The following CACNA1C variants were observed in gnomAD, a reference collection of about 807,000 sequenced individuals.
CACNA1C encodes calcium voltage-gated channel subunit alpha1 C.
A neutral mutation model predicts 229.0 loss-of-function variants in CACNA1C; 30 were observed. That is an observed-to-expected ratio of 0.13 (90% CI 0.10 to 0.18). The LOEUF (loss-of-function observed/expected upper bound fraction) is 0.18. CACNA1C is among the 10% of genes least tolerant of loss of function. CACNA1C has a pLI of 1.00. For missense variants in CACNA1C, 1,658 were observed against 2,845.0 expected, an observed-to-expected ratio of 0.58 and a Z score of 9.49; for synonymous variants, 1,114 against 1,132.5, an observed-to-expected ratio of 0.98 and a Z score of 0.33.
At chr12:2,519,817 G>A (rs1337582238) in intron 9 of CACNA1C, among the ~76,000 whole-genome samples, 2 of 152,208 alleles carry the variant, frequency 1.3e-5, no homozygotes, top group Non-Finnish European at 2.9e-5. Context: ...GGGCCATGTT[G>A]TAGTAAGGAT....
At chr12:2,567,475 T>C in intron 12 of CACNA1C, 94 bp from the exon 13 acceptor site, 1 of 773,796 alleles carries the variant, frequency 1.3e-6, no homozygotes, top group Non-Finnish European at 2.1e-6. Flanking sequence ...GGATCTTTTT[T>C]CCAATGGAGA....
intron 3 of CACNA1C, among the ~76,000 whole-genome samples, chr12:2,315,540 C>T (rs899541737): frequency 6.6e-5 from 10 of 152,156 alleles, no homozygotes; most frequent in Non-Finnish European, 1.3e-4. Context: ...GGCCTTTAAC[C>T]ATCACAGTTC....
At chr12:2,386,020 A>G (rs2098381194) in intron 3 of CACNA1C, among the ~76,000 whole-genome samples, 1 of 152,242 alleles carries the variant, frequency 6.6e-6, no homozygotes, top group Non-Finnish European at 1.5e-5. Flanking sequence ...AAGGTAATAC[A>G]TACTCAAAAG....
At chr12:2,060,655 A>G (rs1040415286) in intron 1 of CACNA1C, among the ~76,000 whole-genome samples, 1 of 152,220 alleles carries the variant, frequency 6.6e-6, no homozygotes, top group Admixed American at 6.5e-5. Flanking sequence ...AGTTCCCTGG[A>G]GGAAGCCATC....
At chr12:2,078,222 T>G (rs1314593821) in intron 1 of CACNA1C, among the ~76,000 whole-genome samples, 1 of 152,216 alleles carries the variant, frequency 6.6e-6, no homozygotes, top group Non-Finnish European at 1.5e-5. Context: ...GGTGGCCATC[T>G]GCAAGCCAAA....
chr12:2,687,438 G>GC (rs1353452009), intron 45 of CACNA1C, among the ~76,000 whole-genome samples: 1 of 152,126 alleles, frequency 6.6e-6, no homozygotes, highest in Non-Finnish European at 1.5e-5. Context: ...ACCCTGCAGA[G>GC]CCTCTGCCCT....
intron 5 of CACNA1C, among the ~76,000 whole-genome samples, chr12:2,474,790 A>G (rs2099615319): frequency 6.6e-6 from 1 of 151,914 alleles, no homozygotes; most frequent in African/African-American, 2.4e-5. Context: ...AGAAAAAGAA[A>G]AAAAGAAATG....
At chr12:2,241,188 A>G (rs1472559463) in intron 3 of CACNA1C, among the ~76,000 whole-genome samples, 8 of 152,044 alleles carry the variant, frequency 5.3e-5, no homozygotes, top group Admixed American at 4.6e-4. Flanking sequence ...GAAGACCAGC[A>G]TTGACTGCAG....
At chr12:2,542,614 G>T in intron 9 of CACNA1C, among the ~76,000 whole-genome samples, 1 of 152,184 alleles carries the variant, frequency 6.6e-6, no homozygotes, top group South Asian at 2.1e-4. Context: ...CTACACAATG[G>T]CTTAGCTCTA....
intron 39 of CACNA1C, among the ~76,000 whole-genome samples, chr12:2,675,617 G>A (rs2096767978): frequency 6.6e-6 from 1 of 152,180 alleles, no homozygotes; most frequent in South Asian, 2.1e-4. Flanking sequence ...ATAATCCAAA[G>A]TATAGTTTTC....
chr12:1,991,327 A>G (rs1385804884), intron 1 of CACNA1C: 10 of 432,822 alleles, frequency 2.3e-5, no homozygotes, highest in Admixed American at 7.9e-5. Flanking sequence ...TCATTATAAA[A>G]TACGGAAACA....
chr12:2,426,103 T>C (rs1024386808), intron 3 of CACNA1C, among the ~76,000 whole-genome samples: 1 of 152,180 alleles, frequency 6.6e-6, no homozygotes, highest in Non-Finnish European at 1.5e-5. Flanking sequence ...CAGGGAACAC[T>C]GGTGAGAACT....
chr12:2,592,675 A>G (rs1374935881), intron 18 of CACNA1C, among the ~76,000 whole-genome samples: 2 of 147,520 alleles, frequency 1.4e-5, no homozygotes, highest in Non-Finnish European at 3.0e-5. Context: ...GGTCAGTAGT[A>G]TTGCCCTGTT....
At chr12:2,226,380 C>T (rs1009867429) in intron 3 of CACNA1C, among the ~76,000 whole-genome samples, 1 of 152,096 alleles carries the variant, frequency 6.6e-6, no homozygotes, top group Non-Finnish European at 1.5e-5. Context: ...AATAACTTGG[C>T]CAAGGTCACA....
At chr12:2,081,427 C>T (rs751031038) in intron 1 of CACNA1C, among the ~76,000 whole-genome samples, 22 of 152,048 alleles carry the variant, frequency 1.4e-4, no homozygotes, top group Non-Finnish European at 1.9e-4. Context: ...AAAAATTAGC[C>T]GAGCATATTG....
chr12:2,329,040 C>T (rs1239297909), intron 3 of CACNA1C, among the ~76,000 whole-genome samples: 1 of 152,116 alleles, frequency 6.6e-6, no homozygotes, highest in African/African-American at 2.4e-5. Context: ...TGGGCATTAA[C>T]AAAATTTGCT....
At chr12:2,503,877 C>G (rs1009714687) in intron 7 of CACNA1C, among the ~76,000 whole-genome samples, 1 of 152,180 alleles carries the variant, frequency 6.6e-6, no homozygotes, top group Non-Finnish European at 1.5e-5. Context: ...GCCGGTGGCC[C>G]GCAGTACGTG....
chr12:2,053,076 T>A lies in CACNA1C; in HGVS notation c.-487T>A. ...GGCCCGGAGCGGCGGCGGCGGCTCT[T>A]CCTGCCTCCGCGCCCAGGAGTTGCC... On this transcript the variant is annotated 5_prime_UTR_variant, in exon 1 of 47. Coordinates refer to ENST00000399655, the MANE Select transcript of CACNA1C (RefSeq NM_000719.7). This position sits in a 1 kb window ranked among gnomAD's most constrained non-coding sequence, Gnocchi z 5.8. 3 of 984,216 alleles carry A rather than the reference T, an allele frequency of 3.0e-6. No individual in the cohort carries two copies. Among genetic ancestry groups the A allele is most frequent in the Non-Finnish European group, 3.6e-6 (3 of 829,242 alleles). The allele number at this position is 984,216 out of a possible 1,614,324, so 61.0% of individuals were successfully genotyped here. A position where few individuals can be genotyped will look rare whatever the true frequency, so the allele number is the denominator to read the frequency against.
chr12:2,407,614 C>G (rs1329035745), intron 3 of CACNA1C, among the ~76,000 whole-genome samples: 4 of 52,774 alleles, frequency 7.6e-5, no homozygotes, highest in African/African-American at 2.5e-4. Flanking sequence ...TCATCATGAC[C>G]CAGTGGGAAG....
Sources: allele counts gnomAD v4.1 joint callset (sites outside exome capture counted in the v4.1 genomes callset), GRCh38; gene constraint gnomAD v4.1.1; non-coding constraint Gnocchi (gnomAD v3.1); transcripts MANE v1.5; gene names NCBI Gene and HGNC (gene_info 2026-07-23, HGNC 2026-07-21).